BICC1: variants seen among roughly 807,000 people sequenced by gnomAD.
BICC1 encodes protein bicaudal C homolog 1.
BICC1 carries 43 observed loss-of-function variants against 111.0 expected under a neutral mutation model. The ratio of observed to expected loss-of-function variants is 0.39; its 90% CI spans 0.30 to 0.50. The LOEUF (loss-of-function observed/expected upper bound fraction) is 0.50, where lower values mean the gene tolerates loss of function less well. BICC1 is among the 20% of genes least tolerant of loss of function. BICC1 has a pLI of 0.88. For synonymous variants in BICC1, 467 were observed against 434.4 expected, an observed-to-expected ratio of 1.07 and a Z score of -0.93; for missense variants, 1,091 against 1,203.2, an observed-to-expected ratio of 0.91 and a Z score of 1.38.
At chr10:58,714,687 A>G (rs1280702495) in intron 3 of BICC1, among the ~76,000 whole-genome samples, 2 of 152,218 alleles carry the variant, frequency 1.3e-5, no homozygotes, top group Admixed American at 6.5e-5. Flanking sequence ...TGGACACCAC[A>G]TTTTGATGGT....
intron 1 of BICC1, among the ~76,000 whole-genome samples, chr10:58,526,270 T>G (rs1842539683): frequency 6.6e-6 from 1 of 151,996 alleles, no homozygotes; most frequent in Non-Finnish European, 1.5e-5. Context: ...CAAGTAGACC[T>G]AGACACTAGT....
intron 2 of BICC1, among the ~76,000 whole-genome samples, chr10:58,658,498 T>A (rs1258212121): frequency 6.6e-6 from 1 of 152,148 alleles, no homozygotes; most frequent in Non-Finnish European, 1.5e-5. Context: ...CTCTACTTTT[T>A]AAATGTAGAT....
intron 1 of BICC1, among the ~76,000 whole-genome samples, chr10:58,562,437 T>C (rs1843631323): frequency 6.6e-6 from 1 of 152,070 alleles, no homozygotes; most frequent in South Asian, 2.1e-4. Flanking sequence ...ATTTCATTCA[T>C]TGAATTCTTT....
At chr10:58,543,475 C>T (rs185107509) in intron 1 of BICC1, among the ~76,000 whole-genome samples, 311 of 152,124 alleles carry the variant, frequency 2.0e-3, no homozygotes, top group African/African-American at 7.1e-3. Flanking sequence ...GTAATGTACA[C>T]TGAAAAATGG....
At chr10:58,673,249 A>G (rs1839235919) in intron 2 of BICC1, among the ~76,000 whole-genome samples, 1 of 152,254 alleles carries the variant, frequency 6.6e-6, no homozygotes, top group Non-Finnish European at 1.5e-5. Flanking sequence ...ACATACATGT[A>G]GAGTGCAGTA....
intron 1 of BICC1, among the ~76,000 whole-genome samples, chr10:58,538,331 C>T (rs989581306): frequency 4.6e-5 from 7 of 151,824 alleles, no homozygotes; most frequent in Non-Finnish European, 8.8e-5. Flanking sequence ...ATACTTACAA[C>T]CAACTGATCT....
chr10:58,778,373 T>G (rs561629501), intron 3 of BICC1, among the ~76,000 whole-genome samples: 1 of 152,198 alleles, frequency 6.6e-6, no homozygotes, highest in South Asian at 2.1e-4. Flanking sequence ...CCCAAAAACT[T>G]TATTAATAGC....
At chr10:58,790,600 G>T (rs938025592) in intron 8 of BICC1, among the ~76,000 whole-genome samples, 1 of 152,106 alleles carries the variant, frequency 6.6e-6, no homozygotes, top group Non-Finnish European at 1.5e-5. Flanking sequence ...GGCCAAGGTG[G>T]GCAGATCACT....
At chr10:58,679,988 C>T (rs952150431) in intron 2 of BICC1, among the ~76,000 whole-genome samples, 1 of 152,088 alleles carries the variant, frequency 6.6e-6, no homozygotes, top group African/African-American at 2.4e-5. Flanking sequence ...AAATTCAACA[C>T]CCCTTCATGC....
chr10:58,558,861 G>C (rs898768880), intron 1 of BICC1, among the ~76,000 whole-genome samples: 2 of 152,022 alleles, frequency 1.3e-5, no homozygotes, highest in Non-Finnish European at 2.9e-5. Context: ...AAAGGGCAAG[G>C]CATTTACCTG....
intron 1 of BICC1, among the ~76,000 whole-genome samples, chr10:58,523,117 C>T (rs1332100063): frequency 6.6e-6 from 1 of 152,148 alleles, no homozygotes; most frequent in Non-Finnish European, 1.5e-5. Context: ...CTGAATTCTA[C>T]CAGAGGTACA....
chr10:58,813,509 G>A (rs537785615), intron 17 of BICC1, among the ~76,000 whole-genome samples: 2 of 152,256 alleles, frequency 1.3e-5, no homozygotes, highest in South Asian at 2.1e-4. Context: ...CTCCAAAATT[G>A]GAAGGAGTCT....
chr10:58,554,968 A>G (rs1843403027), intron 1 of BICC1, among the ~76,000 whole-genome samples: 2 of 151,852 alleles, frequency 1.3e-5, no homozygotes, highest in African/African-American at 4.8e-5. Flanking sequence ...TCAAGAACAT[A>G]TTAAATGTAT....
In BICC1 at chr10:58,796,580, G is replaced by A. The variant is rs540913860; in HGVS notation, c.1366+54G>A. On this transcript the variant is annotated intron_variant, in intron 10 of 20. Coordinates refer to ENST00000373886, the MANE Select transcript of BICC1 (RefSeq NM_001080512.3). The stretch of plus-strand genomic sequence containing the variant: ...CAGTCACTGGGGAAATGCTTGTCTG[G>A]TTCCCTTTCTTTCTACCATTCGGGT... 16 of 1,508,344 alleles carry A rather than the reference G, an allele frequency of 1.1e-5. No individual in the cohort carries two copies. The East Asian group carries it at 3.7e-4, about 35-fold the overall frequency. 93.4% of individuals were successfully genotyped at this position (1,508,344 alleles called of 1,614,324 possible). A position where few individuals can be genotyped will look rare whatever the true frequency, so the allele number is the denominator to read the frequency against.
intron 2 of BICC1, among the ~76,000 whole-genome samples, chr10:58,633,884 A>C (rs1469471247): frequency 6.6e-6 from 1 of 152,220 alleles, no homozygotes; most frequent in Non-Finnish European, 1.5e-5. Context: ...ATTGATGAAC[A>C]AGTACAGAGG....
intron 1 of BICC1, among the ~76,000 whole-genome samples, chr10:58,515,355 A>C (rs1842215076): frequency 6.6e-6 from 1 of 152,120 alleles, no homozygotes; most frequent in Admixed American, 6.6e-5. Context: ...AGTTACACAA[A>C]CCTAGGTTGT....
At chr10:58,681,512 G>A (rs1377385481) in intron 2 of BICC1, among the ~76,000 whole-genome samples, 1 of 152,212 alleles carries the variant, frequency 6.6e-6, no homozygotes, top group East Asian at 1.9e-4. Flanking sequence ...GCAGATGCTG[G>A]AGAGGATGTG....
At chr10:58,685,637 CT>C (rs1327276100) in intron 2 of BICC1, among the ~76,000 whole-genome samples, 2 of 152,068 alleles carry the variant, frequency 1.3e-5, no homozygotes, top group Non-Finnish European at 2.9e-5. Flanking sequence ...TTCTTTGTCT[CT>C]TTTGATCTCT....
At chr10:58,622,423 C>G (rs1374785312) in intron 2 of BICC1, among the ~76,000 whole-genome samples, 1 of 152,156 alleles carries the variant, frequency 6.6e-6, no homozygotes, top group Admixed American at 6.5e-5. Context: ...CCTAATATTT[C>G]TCACTGTTTG....
Sources: allele counts gnomAD v4.1 joint callset (sites outside exome capture counted in the v4.1 genomes callset), GRCh38; gene constraint gnomAD v4.1.1; transcripts MANE v1.5; gene names NCBI Gene and HGNC (gene_info 2026-07-23, HGNC 2026-07-21).